Variants in ESR1 observed in about 807,000 individuals in gnomAD.
ESR1 encodes the protein estrogen receptor 1, also known as estrogen receptor.
Under a neutral mutation model 52.7 loss-of-function variants are expected in ESR1, and 12 were observed. The ratio of observed to expected loss-of-function variants is 0.23; its 90% CI spans 0.15 to 0.37. The LOEUF is 0.37. Among genes scored for constraint, ESR1 ranks in the 10% least tolerant of loss-of-function variants. The pLI is 1.00. For synonymous variants in ESR1, 305 were observed against 316.8 expected (o/e 0.96, Z 0.39); for missense variants, 584 against 779.7 (o/e 0.75, Z 2.99).
intron 2 of ESR1, among the ~76,000 whole-genome samples, chr6:151,847,134 G>A (rs1030545063): frequency 2.0e-5 from 3 of 152,112 alleles, no homozygotes; most frequent in Non-Finnish European, 4.4e-5. Context: ...CTTTGGCCAG[G>A]AAGACATGGT....
intron 2 of ESR1, among the ~76,000 whole-genome samples, chr6:151,734,543 C>T (rs1306575882): frequency 6.6e-6 from 1 of 152,152 alleles, no homozygotes; most frequent in Non-Finnish European, 1.5e-5. Context: ...GAGAGGGACT[C>T]ACCACCTGGG....
intron 3 of ESR1, among the ~76,000 whole-genome samples, chr6:151,898,814 C>T (rs539666087): frequency 1.3e-4 from 20 of 152,338 alleles, no homozygotes; most frequent in East Asian, 3.9e-4. Context: ...TACACAGACA[C>T]GGCAACCATC....
intron 6 of ESR1, among the ~76,000 whole-genome samples, chr6:152,108,843 A>G (rs2051098140): frequency 1.3e-5 from 2 of 152,212 alleles, no homozygotes; most frequent in African/African-American, 4.8e-5. Flanking sequence ...AAAATACAGA[A>G]TGTACGTTGT....
chr6:151,842,174 T>C (rs1217827866), intron 1 of ESR1, among the ~76,000 whole-genome samples: 1 of 152,234 alleles, frequency 6.6e-6, no homozygotes, highest in East Asian at 1.9e-4. Flanking sequence ...TGTCCATCAG[T>C]TCATCTGAGT....
chr6:151,686,653 A>C (rs2115323402), upstream of ESR1, among the ~76,000 whole-genome samples: 1 of 152,094 alleles, frequency 6.6e-6, no homozygotes, highest in South Asian at 2.1e-4. Flanking sequence ...GCGCCACTGC[A>C]CTCCAGCCTG....
chr6:151,718,462 T>G (rs894932811), intron 2 of ESR1, among the ~76,000 whole-genome samples: 1 of 152,228 alleles, frequency 6.6e-6, no homozygotes, highest in Non-Finnish European at 1.5e-5. Context: ...CTTCTCATTT[T>G]AAAACCATGC....
chr6:151,793,439 C>T (rs539741174), intron 2 of ESR1, among the ~76,000 whole-genome samples: 139 of 152,186 alleles, frequency 9.1e-4, no homozygotes, highest in Middle Eastern at 3.4e-3. Flanking sequence ...AGAAGGAGTA[C>T]ACTAAAATAA....
chr6:151,793,604 ATGTGT>A (rs1205230046), intron 2 of ESR1, among the ~76,000 whole-genome samples: 2 of 152,340 alleles, frequency 1.3e-5, no homozygotes, highest in East Asian at 3.9e-4. Context: ...CACGTGAGTA[ATGTGT>A]TGTGCTGTGA....
intron 2 of ESR1, among the ~76,000 whole-genome samples, chr6:151,861,936 A>G (rs999690534): frequency 1.1e-4 from 16 of 152,198 alleles, no homozygotes; most frequent in Non-Finnish European, 1.5e-5. Context: ...AAATTACTTA[A>G]GGGTAAAAAT....
intron 3 of ESR1, among the ~76,000 whole-genome samples, chr6:151,927,975 C>T (rs2033018696): frequency 6.6e-6 from 1 of 152,096 alleles, no homozygotes; most frequent in Non-Finnish European, 1.5e-5. Context: ...CTGCCTGCCT[C>T]GGCCTCCCAA....
At chr6:151,676,087 C>A (rs535465940) in intron 1 of ESR1, among the ~76,000 whole-genome samples, 1 of 152,280 alleles carries the variant, frequency 6.6e-6, no homozygotes, top group East Asian at 1.9e-4. Flanking sequence ...GACTGCAGAG[C>A]AAGCCAGAAT....
intron 3 of ESR1, among the ~76,000 whole-genome samples, chr6:151,934,569 A>G (rs1253458903): frequency 6.6e-6 from 1 of 152,206 alleles, no homozygotes; most frequent in African/African-American, 2.4e-5. Context: ...TAGTACCTTT[A>G]AAAAATCATG....
intron 1 of ESR1, among the ~76,000 whole-genome samples, chr6:151,810,326 A>T (rs941679018): frequency 1.3e-5 from 2 of 152,164 alleles, no homozygotes; most frequent in Non-Finnish European, 2.9e-5. Flanking sequence ...GTGGAAATTC[A>T]GTTTTAGAAT....
At chr6:152,095,160 A>G (rs970301755) in intron 7 of ESR1, among the ~76,000 whole-genome samples, 3 of 152,196 alleles carry the variant, frequency 2.0e-5, no homozygotes, top group Admixed American at 1.3e-4. Flanking sequence ...ATGTGTCCAG[A>G]GTGATCATTC....
chr6:151,676,327 C>T (rs1778250867), intron 1 of ESR1, among the ~76,000 whole-genome samples: 1 of 152,136 alleles, frequency 6.6e-6, no homozygotes, highest in Non-Finnish European at 1.5e-5. Context: ...TCTCTCTCTC[C>T]TGAGCTATTA....
chr6:151,904,783 T>C (rs901299056), intron 3 of ESR1, among the ~76,000 whole-genome samples: 33 of 152,310 alleles, frequency 2.2e-4, no homozygotes, highest in African/African-American at 7.5e-4. Flanking sequence ...AATTCAATAT[T>C]GAACATGTGG....
chr6:151,850,681 G>C (rs1324560651), intron 2 of ESR1, among the ~76,000 whole-genome samples: 1 of 152,038 alleles, frequency 6.6e-6, no homozygotes, highest in Non-Finnish European at 1.5e-5. Flanking sequence ...TCTGCCTGCT[G>C]TGTGTGACAG....
At chr6:151,818,802 C>CAT (rs1000332587) in intron 1 of ESR1, among the ~76,000 whole-genome samples, 2 of 141,280 alleles carry the variant, frequency 1.4e-5, no homozygotes, top group Non-Finnish European at 3.0e-5. Flanking sequence ...TGTATATACA[C>CAT]ATATATACAC....
intron 3 of ESR1, among the ~76,000 whole-genome samples, chr6:151,885,705 A>G (rs1325143339): frequency 6.6e-6 from 1 of 152,176 alleles, no homozygotes; most frequent in Non-Finnish European, 1.5e-5. Context: ...TCTCTACAAA[A>G]TTAGCCAGGT....
Sources: gnomAD v4.1 joint callset for allele counts (sites outside exome capture counted in the v4.1 genomes callset) on GRCh38, gnomAD v4.1.1 for gene constraint, MANE v1.5 for transcripts, NCBI Gene and HGNC (gene_info 2026-07-23, HGNC 2026-07-21) for gene names.